WWOX: variants seen among roughly 807,000 people sequenced by gnomAD.
WWOX encodes WW domain-containing oxidoreductase.
A neutral mutation model predicts 46.2 loss-of-function variants in WWOX; 69 were observed. The ratio of observed to expected loss-of-function variants is 1.49; its 90% CI spans 1.23 to 1.82. The LOEUF (loss-of-function observed/expected upper bound fraction) is 1.82. Among genes scored for constraint, WWOX ranks in the 40% most tolerant of loss-of-function variants. WWOX has a pLI of 0.00. For missense variants in WWOX, 919 were observed against 542.6 expected (o/e 1.69, Z -6.89); for synonymous variants, 359 against 202.6 (o/e 1.77, Z -6.56).
intron 8 of WWOX, among the ~76,000 whole-genome samples, chr16:79,052,676 A>C (rs1025542208): frequency 2.0e-5 from 3 of 152,170 alleles, no homozygotes; most frequent in African/African-American, 7.2e-5. Context: ...AGTAGAGTAC[A>C]CGTGTCAGGT....
At chr16:78,347,279 C>A (rs1260119699) in intron 5 of WWOX, among the ~76,000 whole-genome samples, 1 of 115,630 alleles carries the variant, frequency 8.6e-6, no homozygotes, top group East Asian at 1.9e-4. Context: ...CTCCCTCTGG[C>A]CAATGCTCCT....
At chr16:78,645,013 C>G (rs893522465) in intron 8 of WWOX, among the ~76,000 whole-genome samples, 6 of 152,154 alleles carry the variant, frequency 3.9e-5, no homozygotes, top group African/African-American at 1.4e-4. Flanking sequence ...TGAAGGAAAT[C>G]ATTAAATAGT....
intron 8 of WWOX, among the ~76,000 whole-genome samples, chr16:78,687,052 G>C (rs2047878160): frequency 6.6e-6 from 1 of 151,762 alleles, no homozygotes; most frequent in South Asian, 2.1e-4. Flanking sequence ...GGATCATTAA[G>C]GAGTTTATTT....
At chr16:79,211,145 C>G (rs1168754080) in intron 8 of WWOX, among the ~76,000 whole-genome samples, 1 of 152,038 alleles carries the variant, frequency 6.6e-6, no homozygotes, top group Non-Finnish European at 1.5e-5. Flanking sequence ...AGCAGCCCCA[C>G]TTGGGTTTTC....
At chr16:78,360,155 A>G (rs939505749) in intron 5 of WWOX, among the ~76,000 whole-genome samples, 2 of 152,206 alleles carry the variant, frequency 1.3e-5, no homozygotes, top group Admixed American at 6.5e-5. Context: ...TCCCCCATCA[A>G]CAATCAATAT....
intron 8 of WWOX, among the ~76,000 whole-genome samples, chr16:78,763,435 C>T (rs2049843227): frequency 6.6e-6 from 1 of 152,200 alleles, no homozygotes; most frequent in Non-Finnish European, 1.5e-5. Flanking sequence ...CATCTTCTGA[C>T]CTCAAGTAGT....
intron 8 of WWOX, among the ~76,000 whole-genome samples, chr16:78,979,690 T>C (rs924870): frequency 0.68 from 103,210 of 152,030 alleles, 36,273 homozygotes; most frequent in Non-Finnish European, 0.78. Flanking sequence ...AGAGCCTGTG[T>C]AGCCGTCCAT....
chr16:78,354,210 G>A (rs112715488), intron 5 of WWOX, among the ~76,000 whole-genome samples: 1 of 151,774 alleles, frequency 6.6e-6, no homozygotes, highest in Admixed American at 6.6e-5. Flanking sequence ...GGAAACGTTT[G>A]CTGGTGCCCA....
intron 5 of WWOX, among the ~76,000 whole-genome samples, chr16:78,231,919 A>G (rs926631243): frequency 6.6e-6 from 1 of 151,768 alleles, no homozygotes; most frequent in Admixed American, 6.6e-5. Context: ...CCTGCACAAT[A>G]TGGAATTCAG....
At chr16:78,548,418 C>T (rs948837401) in intron 8 of WWOX, among the ~76,000 whole-genome samples, 2 of 152,004 alleles carry the variant, frequency 1.3e-5, no homozygotes, top group Non-Finnish European at 2.9e-5. Flanking sequence ...AAGTGATGAA[C>T]ATGTTAACAT....
chr16:78,898,011 AGT>A, intron 8 of WWOX: 1 of 113,044 alleles, frequency 8.8e-6, no homozygotes, highest in African/African-American at 4.9e-5. Context: ...AAAATTAGAT[AGT>A]CTTTTTAATA....
chr16:78,711,184 T>C (rs891915517), intron 8 of WWOX, among the ~76,000 whole-genome samples: 1 of 152,156 alleles, frequency 6.6e-6, no homozygotes, highest in Admixed American at 6.6e-5. Flanking sequence ...CTTTGTATAA[T>C]AGGGAAGCAG....
chr16:79,000,988 C>T (rs2047081514), intron 8 of WWOX, among the ~76,000 whole-genome samples: 1 of 152,168 alleles, frequency 6.6e-6, no homozygotes, highest in Non-Finnish European at 1.5e-5. Flanking sequence ...CCTACCACCG[C>T]CTGGGGTCCA....
chr16:78,993,415 C>T (rs1597249054), intron 8 of WWOX, among the ~76,000 whole-genome samples: 1 of 152,248 alleles, frequency 6.6e-6, no homozygotes, highest in East Asian at 1.9e-4. Context: ...CTCTGCCTCG[C>T]CTCTCCTCTC....
At chr16:79,017,377 C>A (rs2047436602) in intron 8 of WWOX, 1 of 125,206 alleles carries the variant, frequency 8.0e-6, no homozygotes, top group South Asian at 2.7e-4. Context: ...TTGCAGTGAA[C>A]CGTGATCGCT....
At chr16:78,767,135 A>C (rs1597576011) in intron 8 of WWOX, among the ~76,000 whole-genome samples, 1 of 113,932 alleles carries the variant, frequency 8.8e-6, no homozygotes, top group Non-Finnish European at 1.7e-5. Context: ...CCTTCCTTCC[A>C]TTTTTGACAG....
chr16:79,120,511 G>A lies in WWOX; in HGVS notation c.1057-91097G>A, dbSNP rs569206490. On this transcript the variant is annotated intron_variant, in intron 8 of 8. Transcript: ENST00000566780. The stretch of plus-strand genomic sequence containing the variant: ...GCCCAGAGCAAAGGACCCTGTGCTA[G>A]TTTTTTGTGGCTGCTGTAATAACGG... Among the ~76,000 whole-genome samples, 17 of 152,276 alleles carry A rather than the reference G, an allele frequency of 1.1e-4. No individual in the cohort carries two copies. In the South Asian group the frequency reaches 2.5e-3, roughly 22 times the overall value.
At chr16:78,801,396 C>G (rs1238734215) in intron 8 of WWOX, among the ~76,000 whole-genome samples, 2 of 152,094 alleles carry the variant, frequency 1.3e-5, no homozygotes, top group Non-Finnish European at 1.5e-5. Flanking sequence ...ATAATCCCAG[C>G]TACTCAGGAG....
At chr16:78,334,788 C>G (rs114212777) in intron 5 of WWOX, among the ~76,000 whole-genome samples, 1 of 144,546 alleles carries the variant, frequency 6.9e-6, no homozygotes, top group Non-Finnish European at 1.5e-5. Context: ...GGAAAGTCTC[C>G]CCTCCACACA....
Sources: gnomAD v4.1 joint callset for allele counts (sites outside exome capture counted in the v4.1 genomes callset) on GRCh38, gnomAD v4.1.1 for gene constraint, MANE v1.5 for transcripts, NCBI Gene and HGNC (gene_info 2026-07-23, HGNC 2026-07-21) for gene names.